The following GAPDH variants were observed in gnomAD, a reference collection of about 807,000 sequenced individuals.
GAPDH encodes OCAS, p38 component.
A neutral mutation model predicts 31.2 loss-of-function variants in GAPDH; 13 were observed. The observed-to-expected ratio is 0.42, with a 90% CI of 0.27 to 0.66. GAPDH has a LOEUF of 0.66. Ranked by LOEUF, GAPDH falls within the 30% of genes least tolerant of loss-of-function variation. The probability of loss-of-function intolerance (pLI) is 0.26; values close to 1 mark genes in which losing one functional copy is unlikely to be tolerated. For synonymous variants in GAPDH, 211 were observed against 166.9 expected (o/e 1.26, Z -2.04); for missense variants, 300 against 443.7 (o/e 0.68, Z 2.91).
At chr12:6,535,444 T>A (rs1189697792) in intron 2 of GAPDH, 4 of 987,430 alleles carry the variant, frequency 4.1e-6, no homozygotes, top group Non-Finnish European at 4.8e-6. Context: ...CTCCTCCGGG[T>A]GATGCTTTTC....
Position 6,538,013 on chromosome 12 carries a change from A to G in GAPDH, c.938+17A>G, listed in dbSNP as rs545272421. The stretch of plus-strand genomic sequence containing the variant: ...CATTTCCTGGTATGTGGCTGGGGCC[A>G]GAGACTGGCTCTTAAAAAGTGCAGG... On this transcript the variant is annotated intron_variant, in intron 8 of 8. Transcript: ENST00000229239. 5.6e-6 allele frequency: 9 copies of G among 1,595,564 alleles called. 1 individual carries two copies. In the African/African-American group the frequency reaches 8.0e-5, roughly 14 times the overall value.
rs1182972009 is a variant in GAPDH at position 6,534,776 on chromosome 12, C to A, written c.-23-34C>A. On this transcript the variant is annotated intron_variant, in intron 1 of 8. Coordinates refer to ENST00000229239, the MANE Select transcript of GAPDH (RefSeq NM_002046.7). ...GGGAGGCGTGTGTGTCGGCCGGGGC[C>A]ACTAGGCGCTCACTGTTCTCTCCCT... The A allele has an allele frequency of 2.5e-6, 4 of 1,589,802 alleles. No individual in the cohort carries two copies. In the East Asian group the frequency reaches 6.7e-5, roughly 27 times the overall value.
chr12:6,535,774 C>T (rs1946449993), intron 2 of GAPDH, among the ~76,000 whole-genome samples: 1 of 152,074 alleles, frequency 6.6e-6, no homozygotes, highest in African/African-American at 2.4e-5. Context: ...TTCCGTCTTC[C>T]GGAAACCAGA....
Position 6,537,160 on chromosome 12 carries a change from C to T in GAPDH, c.387C>T (p.Pro129=), listed in dbSNP as rs771327842. 1.2e-6 allele frequency: 2 copies of T among 1,613,716 alleles called. No individual in the cohort carries two copies. The highest frequency in any genetic ancestry group is 2.2e-5 in the South Asian group (2 of 91,076). ...VIISAPSADA[P]MFVMGVNHEK... ...TCTCTGCCCCCTCTGCTGATGCCCC[C>T]ATGTTCGTCATGGGTGTGAACCATG... Residue 129 remains proline (P), a synonymous_variant, in exon 6 of 9, where the codon CCC becomes CCT. Transcript: ENST00000229239. The surrounding 1 kb of genome is among the most constrained non-coding windows in gnomAD (Gnocchi z 4.9).
chr12:6,536,746 C>T lies in GAPDH; in HGVS notation c.192C>T (p.Asn64=), dbSNP rs201939440. 9.3e-6 allele frequency: 15 copies of T among 1,614,004 alleles called. No homozygotes were observed. The highest frequency in any genetic ancestry group is 2.7e-5 in the African/African-American group (2 of 75,026). ...TCCATGGCACCGTCAAGGCTGAGAA[C>T]GGGAAGCTTGTCATCAATGGAAATC... is the stretch of plus-strand genomic sequence containing the variant. The part of the protein sequence containing the change: ...GKFHGTVKAE[N]GKLVINGNPI... The change falls in exon 4 of 9, where the codon AAC becomes AAT. Residue 64 remains asparagine (N), a synonymous_variant. Transcript: ENST00000229239.
chr12:6,536,085 C>A (rs1218293084), intron 2 of GAPDH, among the ~76,000 whole-genome samples: 1 of 152,218 alleles, frequency 6.6e-6, no homozygotes. Flanking sequence ...GACCTTTACT[C>A]CTGCCCTTTG....
rs781529712 is a variant in GAPDH at position 6,537,037 on chromosome 12, G to T, written c.327+27G>T. 2 of 1,608,424 alleles carry T rather than the reference G, an allele frequency of 1.2e-6. No homozygotes were observed. Among genetic ancestry groups the T allele is most frequent in the Non-Finnish European group, 1.7e-6 (2 of 1,177,208 alleles). On this transcript the variant is annotated intron_variant, in intron 5 of 8. Transcript: ENST00000229239. The surrounding 1 kb of genome is among the most constrained non-coding windows in gnomAD (Gnocchi z 4.9). ...TGAGTGCAGGAGGGCCCGCGGGAGG[G>T]GAAGCTGACTCAGCCCTGCAAAGGC...
Position 6,537,190 on chromosome 12 carries a change from G to A in GAPDH, c.417G>A (p.Lys139=). The change falls in exon 6 of 9, where the codon AAG becomes AAA. Residue 139 remains lysine, a synonymous_variant. Coordinates refer to ENST00000229239, the MANE Select transcript of GAPDH (RefSeq NM_002046.7). The surrounding 1 kb of genome is among the most constrained non-coding windows in gnomAD (Gnocchi z 4.9). ...TCGTCATGGGTGTGAACCATGAGAA[G>A]TATGACAACAGCCTCAAGATCATCA... ...PMFVMGVNHE[K]YDNSLKIISN... 2 of 1,613,048 alleles carry A rather than the reference G, an allele frequency of 1.2e-6. No individual in the cohort carries two copies. Among genetic ancestry groups the A allele is most frequent in the South Asian group, 1.1e-5 (1 of 91,082 alleles).
rs1019082381 is a variant in GAPDH, at chr12:6,535,455, C to CA, written c.29+594_29+595insA. The CA allele has an allele frequency of 8.1e-6, 8 of 987,004 alleles. No individual in the cohort carries two copies. The African/African-American group carries it at 1.4e-4, about 17-fold the overall frequency. The allele number at this position is 987,004 out of a possible 1,614,324, so 61.1% of individuals were successfully genotyped here. A position where few individuals can be genotyped will look rare whatever the true frequency, so the allele number is the denominator to read the frequency against. ...ATTTCTCCTCCGGGTGATGCTTTTC[C>CA]TAGATTATTCTCTGGTAAATCAAAG... On this transcript the variant is annotated intron_variant, in intron 2 of 8. Transcript: ENST00000229239.
intron 2 of GAPDH, among the ~76,000 whole-genome samples, chr12:6,536,109 TGA>T (rs766214207): frequency 7.2e-5 from 11 of 152,236 alleles, no homozygotes; most frequent in Non-Finnish European, 1.3e-4. Flanking sequence ...TTGATGATGC[TGA>T]GTGTACAAGC....
chr12:6,534,578 G>C lies in GAPDH; in HGVS notation c.-24+9G>C. Reference sequence around the variant, plus strand: ...TTCTTTTGCGTCGCCAGGTGAAGACGGGCGGAGAGAAACCCGGGAGGCTAG... The same window carrying C: ...TTCTTTTGCGTCGCCAGGTGAAGACCGGCGGAGAGAAACCCGGGAGGCTAG... On this transcript the variant is annotated intron_variant, in intron 1 of 8. Coordinates refer to ENST00000229239, the MANE Select transcript of GAPDH (RefSeq NM_002046.7). 1.8e-6 allele frequency: 1 copy of C among 545,792 alleles called. No homozygotes were observed. Among genetic ancestry groups the C allele is most frequent in the Non-Finnish European group, 3.2e-6 (1 of 309,912 alleles). 33.8% of individuals were successfully genotyped at this position (545,792 alleles called of 1,614,324 possible).
chr12:6,537,201 G>A lies in GAPDH; in HGVS notation c.428G>A (p.Ser143Asn). ...MGVNHEKYDN[S>N]LKIISNASCT... is the part of the protein sequence containing the mutation. ...GTGAACCATGAGAAGTATGACAACAGCCTCAAGATCATCAGGTGAGGAAGG... is the reference window on the plus strand; with the variant it reads ...GTGAACCATGAGAAGTATGACAACAACCTCAAGATCATCAGGTGAGGAAGG... Residue 143 changes from serine (S) to asparagine (N), a missense_variant, in exon 6 of 9, where the codon AGC becomes AAC. Coordinates refer to ENST00000229239, the MANE Select transcript of GAPDH (RefSeq NM_002046.7). This position sits in a 1 kb window ranked among gnomAD's most constrained non-coding sequence, Gnocchi z 4.9. The A allele has an allele frequency of 6.2e-7, 1 of 1,612,342 alleles. No homozygotes were observed. The highest frequency in any genetic ancestry group is 1.3e-5 in the African/African-American group (1 of 75,012).
chr12:6,534,667 C>T (rs978447164), intron 1 of GAPDH, 98 bp downstream of exon 1: 63 of 759,490 alleles, frequency 8.3e-5, no homozygotes, highest in Non-Finnish European at 1.4e-4. Context: ...GCGGGGTGGG[C>T]CCGGGCGGCC....
chr12:6,534,856 CA>C lies in GAPDH; in HGVS notation c.26del (p.Asn9ThrfsTer127). MGKVKVGVNGFGRIGRLVT... is the reference protein window; with the variant it reads MGKVKVGVXGFGRIGRLVT... The stretch of plus-strand genomic sequence containing the variant: ...CCATGGGGAAGGTGAAGGTCGGAGT[CA>C]ACGGGTGAGTTCGCGGGTGGCTGGG... On this transcript the variant is annotated frameshift_variant, in exon 2 of 9. Transcript: ENST00000229239. LOFTEE classifies it high-confidence loss of function. 1 of 1,613,364 alleles carries C rather than the reference CA, an allele frequency of 6.2e-7. No individual in the cohort carries two copies. The highest frequency in any genetic ancestry group is 8.5e-7 in the Non-Finnish European group (1 of 1,179,660).
chr12:6,534,590 A>C, intron 1 of GAPDH, 21 bp downstream of exon 1: 1 of 554,148 alleles, frequency 1.8e-6, no homozygotes, highest in Non-Finnish European at 3.2e-6. Flanking sequence ...GCGGAGAGAA[A>C]CCCGGGAGGC....
chr12:6,535,511 C>A, intron 2 of GAPDH: 4 of 928,890 alleles, frequency 4.3e-6, no homozygotes, highest in Non-Finnish European at 5.1e-6. Flanking sequence ...TCTTGTGTCC[C>A]CTCCCCGCAG....
rs1214895549 is a variant in GAPDH, at chr12:6,537,920, A to G, written c.862A>G (p.Ser288Gly). ...CCAGGTGGTCTCCTCTGACTTCAAC[A>G]GCGACACCCACTCCTCCACCTTTGA... ...EHQVVSSDFN[S>G]DTHSSTFDAG... Residue 288 changes from serine (S) to glycine (G), a missense_variant, in exon 8 of 9, where the codon AGC becomes GGC. Coordinates refer to ENST00000229239, the MANE Select transcript of GAPDH (RefSeq NM_002046.7). The surrounding 1 kb of genome is among the most constrained non-coding windows in gnomAD (Gnocchi z 4.9). 7 of 1,614,156 alleles carry G rather than the reference A, an allele frequency of 4.3e-6. No individual in the cohort carries two copies. The highest frequency in any genetic ancestry group is 5.9e-6 in the Non-Finnish European group (7 of 1,180,046).
chr12:6,538,162 A>C lies in GAPDH; in HGVS notation c.1000A>C (p.Lys334Gln). ...GGACCTCATGGCCCACATGGCCTCC[A>C]AGGAGTAAGACCCCTGGACCACCAG... is the stretch of plus-strand genomic sequence containing the variant. ...VVDLMAHMAS[K>Q]E The change falls in exon 9 of 9, where the codon AAG becomes CAG. Residue 334 changes from lysine to glutamine, a missense_variant. By Grantham distance (53) the Lys-to-Gln change is moderately conservative. Transcript: ENST00000229239. 6.2e-7 allele frequency: 1 copy of C among 1,609,226 alleles called. No individual in the cohort carries two copies.
Position 6,537,330 on chromosome 12 carries a change from C to T in GAPDH, c.465C>T (p.Asn155=), listed in dbSNP as rs1592187566. The T allele has an allele frequency of 5.6e-6, 9 of 1,610,564 alleles. No individual in the cohort carries two copies. The East Asian group carries it at 1.3e-4, about 24-fold the overall frequency. The change falls in exon 7 of 9, where the codon AAC becomes AAT. Residue 155 remains asparagine, a synonymous_variant. Coordinates refer to ENST00000229239, the MANE Select transcript of GAPDH (RefSeq NM_002046.7). This position sits in a 1 kb window ranked among gnomAD's most constrained non-coding sequence, Gnocchi z 4.9. ...KIISNASCTT[N]CLAPLAKVIH... is the part of the protein sequence containing the mutation. ...GCAGCAATGCCTCCTGCACCACCAA[C>T]TGCTTAGCACCCCTGGCCAAGGTCA... is the stretch of plus-strand genomic sequence containing the variant.
Sources: gnomAD v4.1 joint callset for allele counts (sites outside exome capture counted in the v4.1 genomes callset) on GRCh38, gnomAD v4.1.1 for gene constraint, Gnocchi (gnomAD v3.1) non-coding constraint, MANE v1.5 for transcripts, NCBI Gene and HGNC (gene_info 2026-07-23, HGNC 2026-07-21) for gene names.